Variants in CERS4 observed in about 807,000 individuals in gnomAD.
CERS4 encodes ceramide synthase 4, also known as LAG1 homolog, ceramide synthase 4.
Under a neutral mutation model 51.8 loss-of-function variants are expected in CERS4, and 65 were observed. The observed-to-expected ratio is 1.26, with a 90% confidence interval of 1.03 to 1.54. The LOEUF is 1.54. Among genes scored for constraint, CERS4 ranks in the 40% most tolerant of loss-of-function variants. CERS4 has a pLI of 0.00. For missense variants in CERS4, 563 were observed against 500.4 expected (o/e 1.13, Z -1.19); for synonymous variants, 228 against 208.4 (o/e 1.09, Z -0.81).
chr19:8,221,589 A>G (rs1967545000), intron 2 of CERS4, among the ~76,000 whole-genome samples: 1 of 148,616 alleles, frequency 6.7e-6, no homozygotes, highest in Non-Finnish European at 1.5e-5. Context: ...TCTGTCACCC[A>G]TGCTGGAGTG....
intron 2 of CERS4, among the ~76,000 whole-genome samples, chr19:8,242,282 CAGGTTGGTG>C (rs1371840351): frequency 5.9e-5 from 9 of 152,162 alleles, no homozygotes; most frequent in Non-Finnish European, 8.8e-5. Flanking sequence ...GAGACAGAGA[CAGGTTGGTG>C]AGGTTAGTGA....
intron 2 of CERS4, among the ~76,000 whole-genome samples, chr19:8,233,609 T>C (rs1318992224): frequency 6.6e-6 from 1 of 152,154 alleles, no homozygotes; most frequent in Admixed American, 6.6e-5. Context: ...CATTAGTGTC[T>C]CTCTGTACTT....
intron 2 of CERS4, among the ~76,000 whole-genome samples, chr19:8,243,943 G>A (rs1968648175): frequency 6.6e-6 from 1 of 152,210 alleles, no homozygotes; most frequent in Non-Finnish European, 1.5e-5. Flanking sequence ...CAGACTGGAA[G>A]GCTGACAGCT....
intron 2 of CERS4, among the ~76,000 whole-genome samples, chr19:8,223,878 C>T (rs1382270609): frequency 1.3e-5 from 2 of 151,806 alleles, no homozygotes; most frequent in Non-Finnish European, 2.9e-5. Context: ...GCGGGCGGAT[C>T]ATTTGAAATC....
intron 2 of CERS4, among the ~76,000 whole-genome samples, chr19:8,236,278 G>A (rs1209247308): frequency 6.6e-6 from 1 of 152,198 alleles, no homozygotes; most frequent in Admixed American, 6.5e-5. Context: ...CCAGAGTTTT[G>A]TTAGTTCAAA....
At chr19:8,256,125 G>A in intron 6 of CERS4, 111 bp from the exon 7 acceptor site, 1 of 1,199,502 alleles carries the variant, frequency 8.3e-7, no homozygotes, top group Non-Finnish European at 1.2e-6. Context: ...AAGCAGGGCT[G>A]GGTGAAGGTA....
At chr19:8,257,522 C>A (rs1969460666) in intron 9 of CERS4, among the ~76,000 whole-genome samples, 1 of 152,250 alleles carries the variant, frequency 6.6e-6, no homozygotes, top group Non-Finnish European at 1.5e-5. Flanking sequence ...ACCTCTGCCT[C>A]CCAGGTTCAA....
At chr19:8,228,837 A>G (rs1395409408) in intron 2 of CERS4, among the ~76,000 whole-genome samples, 1 of 151,914 alleles carries the variant, frequency 6.6e-6, no homozygotes, top group Non-Finnish European at 1.5e-5. Flanking sequence ...TAGCCTGGCC[A>G]ACATGGTGAA....
At chr19:8,232,578 C>T (rs1968060836) in intron 2 of CERS4, among the ~76,000 whole-genome samples, 1 of 152,138 alleles carries the variant, frequency 6.6e-6, no homozygotes, top group Admixed American at 6.6e-5. Flanking sequence ...AGGCATGAGC[C>T]ACTGTGCCCG....
chr19:8,213,350 C>T (rs185846047), intron 2 of CERS4, among the ~76,000 whole-genome samples: 2 of 152,184 alleles, frequency 1.3e-5, no homozygotes, highest in South Asian at 2.1e-4. Context: ...CTTGCTCTGT[C>T]GCTCAGGTTG....
intron 2 of CERS4, among the ~76,000 whole-genome samples, chr19:8,248,333 A>G (rs1968880520): frequency 6.6e-6 from 1 of 152,088 alleles, no homozygotes; most frequent in South Asian, 2.1e-4. Flanking sequence ...ACAGACGGAT[A>G]GATGCAACGA....
chr19:8,253,062 T>C (rs2145302497), intron 3 of CERS4, among the ~76,000 whole-genome samples: 1 of 152,362 alleles, frequency 6.6e-6, no homozygotes, highest in Non-Finnish European at 1.5e-5. Context: ...TCATGATTTA[T>C]TCTGCAATGA....
At position 8,262,302 on chromosome 19, in the gene CERS4, A is replaced by C. The variant is rs1969750959; in HGVS notation, c.*193A>C. The C allele has an allele frequency of 1.9e-6, 1 of 512,936 alleles. No individual in the cohort carries two copies. Among genetic ancestry groups the C allele is most frequent in the Non-Finnish European group, 3.1e-6 (1 of 319,156 alleles). 31.8% of individuals were successfully genotyped at this position (512,936 alleles called of 1,614,324 possible). A position where few individuals can be genotyped will look rare whatever the true frequency, so the allele number is the denominator to read the frequency against. On this transcript the variant is annotated 3_prime_UTR_variant, in exon 12 of 12. Transcript: ENST00000251363. ...ACCCTTCTTCCCTCTGGGCAACTGGACAGATCTGGGAGCCAGCAGCTGGAT... is the reference window on the plus strand; with the variant it reads ...ACCCTTCTTCCCTCTGGGCAACTGGCCAGATCTGGGAGCCAGCAGCTGGAT...
intron 2 of CERS4, chr19:8,250,873 A>C: frequency 7.1e-7 from 1 of 1,405,268 alleles, no homozygotes; most frequent in Non-Finnish European, 9.2e-7. Flanking sequence ...AGTGATGAGA[A>C]TGAAGTGGTG....
intron 2 of CERS4, among the ~76,000 whole-genome samples, chr19:8,221,535 A>G (rs924056384): frequency 2.6e-4 from 39 of 150,678 alleles, no homozygotes; most frequent in African/African-American, 9.5e-4. Context: ...TGAGCCTTTT[A>G]ACTTTTTTTT....
rs144171999 is a variant in CERS4, at chr19:8,224,659, G to C, written c.-2+13797G>C. 3.9e-5 allele frequency among the ~76,000 whole-genome samples: 6 copies of C among 152,336 alleles called. No individual in the cohort carries two copies. In the East Asian group the frequency reaches 9.7e-4, roughly 25 times the overall value. On this transcript the variant is annotated intron_variant, in intron 2 of 11. Coordinates refer to ENST00000251363, the MANE Select transcript of CERS4 (RefSeq NM_024552.3). ...CCGTGCCAGGCCAGTGGGAGCACTTGCAGGATTCAAAGCTGCGGGTCTGAT... is the reference window on the plus strand; with the variant it reads ...CCGTGCCAGGCCAGTGGGAGCACTTCCAGGATTCAAAGCTGCGGGTCTGAT...
rs773455440 is a variant in CERS4, at chr19:8,256,705, C to T, written c.607C>T (p.Arg203Cys). The T allele has an allele frequency of 8.1e-6, 13 of 1,612,768 alleles. No individual in the cohort carries two copies. Among genetic ancestry groups the T allele is most frequent in the Admixed American group, 3.4e-5 (2 of 59,682 alleles). ...AATCAGGCTGCCCTTTGATGTCAAGCGCAAGGTGAGGCCAAATAAGAGTCT... is the reference window on the plus strand; with the variant it reads ...AATCAGGCTGCCCTTTGATGTCAAGTGCAAGGTGAGGCCAAATAAGAGTCT... ...LLIRLPFDVK[R>C]KDFKEQVIHH... The change falls in exon 8 of 12, where the codon CGC (arginine) becomes TGC (cysteine). Residue 203 changes from arginine (R) to cysteine (C), a missense_variant. By Grantham distance (180) the Arg-to-Cys change is radical. Coordinates refer to ENST00000251363, the MANE Select transcript of CERS4 (RefSeq NM_024552.3).
At chr19:8,235,422 T>C (rs1183807733) in intron 2 of CERS4, among the ~76,000 whole-genome samples, 1 of 151,590 alleles carries the variant, frequency 6.6e-6, no homozygotes, top group Non-Finnish European at 1.5e-5. Flanking sequence ...CTTTTTGCTT[T>C]TTTTTCCCCA....
chr19:8,247,240 A>C (rs2145272148), intron 2 of CERS4, among the ~76,000 whole-genome samples: 1 of 147,606 alleles, frequency 6.8e-6, no homozygotes, highest in Admixed American at 6.8e-5. Context: ...GCCCCTCATC[A>C]CCTCCCTGCC....
Sources: gnomAD v4.1 joint callset for allele counts (sites outside exome capture counted in the v4.1 genomes callset) on GRCh38, gnomAD v4.1.1 for gene constraint, MANE v1.5 for transcripts, NCBI Gene and HGNC (gene_info 2026-07-23, HGNC 2026-07-21) for gene names.